The following XKR9 variants were observed in gnomAD, a reference collection of about 807,000 sequenced individuals.
XKR9 encodes the protein XK-related protein 9.
XKR9 carries 32 observed loss-of-function variants against 32.0 expected under a neutral mutation model. That is an observed-to-expected ratio of 1.00 (90% confidence interval 0.76 to 1.34). XKR9 has a LOEUF of 1.34. Ranked by LOEUF, XKR9 falls within the 40% of genes most tolerant of loss-of-function variation. XKR9 has a pLI of 0.00. For missense variants in XKR9, 546 were observed against 429.7 expected, an observed-to-expected ratio of 1.27 and a Z score of -2.39; for synonymous variants, 168 against 143.4, an observed-to-expected ratio of 1.17 and a Z score of -1.22.
At chr8:70,777,364 C>A (rs1045615102) in intron 2 of XKR9, among the ~76,000 whole-genome samples, 1 of 152,088 alleles carries the variant, frequency 6.6e-6, no homozygotes, top group Non-Finnish European at 1.5e-5. Context: ...TACTGATGGA[C>A]ATTTGGGTTG....
At chr8:70,731,389 G>A (rs147011392) in intron 4 of XKR9, among the ~76,000 whole-genome samples, 7 of 152,118 alleles carry the variant, frequency 4.6e-5, no homozygotes, top group African/African-American at 1.7e-4. Flanking sequence ...GAAGAATGGA[G>A]CAACTTTTGA....
rs370053282 is a variant in XKR9, at chr8:70,681,268, A to G, written c.210A>G (p.Ala70=). 24 of 1,613,338 alleles carry G rather than the reference A, an allele frequency of 1.5e-5. No homozygotes were observed. The highest frequency in any genetic ancestry group is 1.9e-5 in the Non-Finnish European group (23 of 1,179,592). Residue 70 remains alanine (A), a synonymous_variant, in exon 3 of 5, where the codon GCA becomes GCG. Coordinates refer to ENST00000408926, the MANE Select transcript of XKR9 (RefSeq NM_001011720.2). ...GGTTCAAGGCTGATTTAAAGAAAGC[A>G]GGCCAAGAAAGTCAGCATTGTTTTC... ...YSWFKADLKK[A]GQESQHCFLL...
At chr8:70,955,694 C>T in the XKR9 span, among the ~76,000 whole-genome samples, 2 of 152,202 alleles carry the variant, frequency 1.3e-5, no homozygotes, top group African/African-American at 2.4e-5. Flanking sequence ...CTCAGCCTGG[C>T]AGGCTGTGCT....
chr8:70,744,468 G>C (rs775145164), intron 2 of XKR9, among the ~76,000 whole-genome samples: 3 of 152,112 alleles, frequency 2.0e-5, no homozygotes, highest in Non-Finnish European at 2.9e-5. Context: ...AAGGCTCATA[G>C]AGTTTAAGTA....
chr8:70,968,643 T>C, the XKR9 span, among the ~76,000 whole-genome samples: 1 of 152,122 alleles, frequency 6.6e-6, no homozygotes, highest in African/African-American at 2.4e-5. Context: ...TTTGTTGATG[T>C]TGTTGTTGTT....
At chr8:70,757,370 GTTC>G (rs1388200238) in intron 2 of XKR9, among the ~76,000 whole-genome samples, 1 of 151,764 alleles carries the variant, frequency 6.6e-6, no homozygotes, top group Non-Finnish European at 1.5e-5. Flanking sequence ...CAGTTTGCAA[GTTC>G]TTTTTTCTTT....
downstream of XKR9, among the ~76,000 whole-genome samples, chr8:70,793,466 C>T (rs1169390913): frequency 6.6e-6 from 1 of 152,074 alleles, no homozygotes; most frequent in East Asian, 1.9e-4. Flanking sequence ...ATGTAATGCA[C>T]TTGGCCATCT....
chr8:70,889,005 A>G, the XKR9 span, among the ~76,000 whole-genome samples: 2 of 151,892 alleles, frequency 1.3e-5, no homozygotes, highest in Non-Finnish European at 2.9e-5. Context: ...TGGTATTTGC[A>G]TAGGTATTGC....
chr8:70,862,452 G>T, the XKR9 span, among the ~76,000 whole-genome samples: 1 of 151,734 alleles, frequency 6.6e-6, no homozygotes, highest in Non-Finnish European at 1.5e-5. Context: ...TTATTCTTTG[G>T]AAAAGTTTTT....
chr8:70,962,819 C>CTCAT, the XKR9 span, among the ~76,000 whole-genome samples: 6 of 152,190 alleles, frequency 3.9e-5, no homozygotes, highest in African/African-American at 1.4e-4. Flanking sequence ...TTCTTGTCTT[C>CTCAT]TCTTTCTGTA....
the XKR9 span, among the ~76,000 whole-genome samples, chr8:70,981,071 T>C: frequency 6.6e-6 from 1 of 151,972 alleles, no homozygotes; most frequent in Admixed American, 6.6e-5. Flanking sequence ...GCTCTTAAGA[T>C]TTTTTCCTTT....
downstream of XKR9, among the ~76,000 whole-genome samples, chr8:70,792,630 G>C (rs1030633730): frequency 6.6e-6 from 1 of 152,112 alleles, no homozygotes; most frequent in South Asian, 2.1e-4. Flanking sequence ...GCCTGACAAG[G>C]CTATTCTCTA....
intron 2 of XKR9, among the ~76,000 whole-genome samples, chr8:70,781,483 A>G (rs1807615654): frequency 6.6e-6 from 1 of 151,800 alleles, no homozygotes; most frequent in Non-Finnish European, 1.5e-5. Context: ...TGATGGTCAA[A>G]TCACGGTAAT....
At chr8:70,857,763 C>T in the XKR9 span, among the ~76,000 whole-genome samples, 535 of 152,200 alleles carry the variant, frequency 3.5e-3, 4 homozygotes, top group African/African-American at 0.012. Context: ...AAAGCTTATC[C>T]GCCATGATCA....
chr8:71,021,664 G>A, the XKR9 span, among the ~76,000 whole-genome samples: 5 of 151,876 alleles, frequency 3.3e-5, no homozygotes, highest in Non-Finnish European at 5.9e-5. Context: ...CACCATGCCC[G>A]GCCAATTTTT....
At chr8:70,800,276 A>T in the XKR9 span, among the ~76,000 whole-genome samples, 5 of 152,220 alleles carry the variant, frequency 3.3e-5, no homozygotes, top group East Asian at 7.7e-4. Context: ...TATTTTGTTG[A>T]GGATTTTTGC....
chr8:70,948,500 A>C, the XKR9 span, among the ~76,000 whole-genome samples: 1 of 151,334 alleles, frequency 6.6e-6, no homozygotes, highest in African/African-American at 2.4e-5. Flanking sequence ...CTGACCACCC[A>C]GTTTTGTGAG....
the XKR9 span, among the ~76,000 whole-genome samples, chr8:70,975,471 T>C: frequency 0.32 from 48,409 of 152,108 alleles, 9,027 homozygotes; most frequent in Non-Finnish European, 0.43. Flanking sequence ...GCTAGCCAGT[T>C]TTCCCAGCAC....
chr8:70,992,471 A>G, the XKR9 span, among the ~76,000 whole-genome samples: 1 of 152,088 alleles, frequency 6.6e-6, no homozygotes, highest in Non-Finnish European at 1.5e-5. Flanking sequence ...TTATTACTTC[A>G]AGCATTGTGT....
Sources: gnomAD v4.1 joint callset for allele counts (sites outside exome capture counted in the v4.1 genomes callset) on GRCh38, gnomAD v4.1.1 for gene constraint, MANE v1.5 for transcripts, NCBI Gene and HGNC (gene_info 2026-07-23, HGNC 2026-07-21) for gene names.